The following GALNTL6 variants were observed in gnomAD, a reference collection of about 807,000 sequenced individuals.
GALNTL6 encodes polypeptide N-acetylgalactosaminyltransferase like 6.
In GALNTL6, 46 loss-of-function variants were observed where a neutral mutation model predicts 73.7. That is an observed-to-expected ratio of 0.62 (90% CI 0.49 to 0.80). GALNTL6 has a LOEUF of 0.80. Among genes scored for constraint, GALNTL6 ranks in the 30% least tolerant of loss-of-function variants. GALNTL6 has a pLI of 0.00. For missense variants in GALNTL6, 604 were observed against 755.0 expected (o/e 0.80, Z 2.34); for synonymous variants, 259 against 263.7 (o/e 0.98, Z 0.17).
At chr4:172,528,204 T>C (rs1246405464) in intron 5 of GALNTL6, among the ~76,000 whole-genome samples, 4 of 150,868 alleles carry the variant, frequency 2.7e-5, no homozygotes, top group Non-Finnish European at 4.4e-5. Context: ...ACTAAGAAAA[T>C]TGAATTTGAA....
At chr4:172,276,411 T>C (rs572208676) in intron 3 of GALNTL6, among the ~76,000 whole-genome samples, 1 of 152,290 alleles carries the variant, frequency 6.6e-6, no homozygotes, top group African/African-American at 2.4e-5. Flanking sequence ...TATCTAACTA[T>C]TGCTTTTTTA....
At chr4:172,731,949 G>A (rs6841156) in intron 5 of GALNTL6, among the ~76,000 whole-genome samples, 54,521 of 151,744 alleles carry the variant, frequency 0.36, 10,834 homozygotes, top group African/African-American at 0.52. Context: ...GGCTTGTTTT[G>A]TGGCTCAAGA....
chr4:172,284,467 G>A (rs1359394172), intron 3 of GALNTL6, among the ~76,000 whole-genome samples: 1 of 150,758 alleles, frequency 6.6e-6, no homozygotes, highest in East Asian at 2.0e-4. Flanking sequence ...AGTCTCCAAT[G>A]CTTATTACTT....
chr4:172,543,455 C>T lies in GALNTL6; in HGVS notation c.553+194766C>T, dbSNP rs144000699. Among the ~76,000 whole-genome samples, 549 of 152,354 alleles carry T rather than the reference C, an allele frequency of 3.6e-3. 4 individuals carry two copies. The highest frequency in any genetic ancestry group is 6.8e-3 in the Middle Eastern group (2 of 294). On this transcript the variant is annotated intron_variant, in intron 5 of 12. Transcript: ENST00000506823. Reference sequence around the variant, plus strand: ...CCATGCAAACTGGAAGATAGGGGCGCTGTCTTCCTTGATGACTGCATTTTA... The same window carrying T: ...CCATGCAAACTGGAAGATAGGGGCGTTGTCTTCCTTGATGACTGCATTTTA...
intron 2 of GALNTL6, among the ~76,000 whole-genome samples, chr4:171,995,609 A>C (rs1740462924): frequency 6.6e-6 from 1 of 152,106 alleles, no homozygotes; most frequent in African/African-American, 2.4e-5. Context: ...GAAAGAATAC[A>C]TTAGTATAAG....
chr4:172,482,405 C>T (rs1416613513), intron 5 of GALNTL6, among the ~76,000 whole-genome samples: 2 of 152,232 alleles, frequency 1.3e-5, no homozygotes, highest in African/African-American at 4.8e-5. Flanking sequence ...GAGAGAGGGC[C>T]ACCAGCACGT....
chr4:171,917,072 T>G (rs1160566132), intron 2 of GALNTL6, among the ~76,000 whole-genome samples: 1 of 152,096 alleles, frequency 6.6e-6, no homozygotes, highest in Non-Finnish European at 1.5e-5. Context: ...TTGTACATTT[T>G]TATGATTCAC....
chr4:172,480,741 T>TC (rs1272495641), intron 5 of GALNTL6, among the ~76,000 whole-genome samples: 1 of 152,208 alleles, frequency 6.6e-6, no homozygotes, highest in Non-Finnish European at 1.5e-5. Flanking sequence ...TGTGGTCAGA[T>TC]GTGGATTAGG....
intron 8 of GALNTL6, among the ~76,000 whole-genome samples, chr4:172,922,904 G>A (rs943351600): frequency 5.3e-5 from 8 of 152,230 alleles, no homozygotes; most frequent in African/African-American, 1.9e-4. Flanking sequence ...GTTATTGTTA[G>A]AGTAGGCAGA....
At chr4:172,738,705 C>T (rs917272668) in intron 5 of GALNTL6, among the ~76,000 whole-genome samples, 16 of 152,106 alleles carry the variant, frequency 1.1e-4, no homozygotes, top group African/African-American at 3.1e-4. Flanking sequence ...CCTGAGAACA[C>T]GTGCCCAAGG....
chr4:172,156,164 CCGAGTCT>C (rs1734253289), intron 2 of GALNTL6, among the ~76,000 whole-genome samples: 1 of 151,992 alleles, frequency 6.6e-6, no homozygotes, highest in Non-Finnish European at 1.5e-5. Context: ...CAGGAAGTGT[CCGAGTCT>C]GAAGTGACTG....
intron 5 of GALNTL6, among the ~76,000 whole-genome samples, chr4:172,782,307 C>T (rs187152746): frequency 1.3e-3 from 191 of 152,218 alleles, no homozygotes; most frequent in Middle Eastern, 3.4e-3. Flanking sequence ...AAGATTTGGC[C>T]TCTTGGAGAA....
chr4:172,458,183 A>G (rs902983009), intron 5 of GALNTL6, among the ~76,000 whole-genome samples: 1 of 152,048 alleles, frequency 6.6e-6, no homozygotes, highest in East Asian at 1.9e-4. Context: ...GAGAACAAAG[A>G]CATAACGTAC....
At chr4:172,093,843 T>C (rs1489730560) in intron 2 of GALNTL6, among the ~76,000 whole-genome samples, 1 of 152,216 alleles carries the variant, frequency 6.6e-6, no homozygotes, top group Non-Finnish European at 1.5e-5. Flanking sequence ...TCTCCCATCA[T>C]CGTGAGACTG....
At chr4:172,298,869 A>G (rs977881734) in intron 3 of GALNTL6, among the ~76,000 whole-genome samples, 4 of 152,204 alleles carry the variant, frequency 2.6e-5, no homozygotes, top group Non-Finnish European at 5.9e-5. Flanking sequence ...TATCAGGATG[A>G]TGCTGGCCTC....
At chr4:171,867,979 T>C (rs941495073) in intron 2 of GALNTL6, among the ~76,000 whole-genome samples, 1 of 140,610 alleles carries the variant, frequency 7.1e-6, no homozygotes, top group Admixed American at 8.2e-5. Context: ...AAATCTTTAA[T>C]TTTGAGGTGC....
At chr4:171,834,492 C>T (rs139951320) in intron 2 of GALNTL6, among the ~76,000 whole-genome samples, 2,074 of 151,938 alleles carry the variant, frequency 0.014, 18 homozygotes, top group Non-Finnish European at 0.022. Flanking sequence ...GGATACTGAC[C>T]CTGGTAAACA....
At chr4:172,627,570 G>C (rs1031669846) in intron 5 of GALNTL6, among the ~76,000 whole-genome samples, 3 of 151,188 alleles carry the variant, frequency 2.0e-5, no homozygotes, top group African/African-American at 7.3e-5. Context: ...AGTGGAATTC[G>C]TATCAGCTCT....
At chr4:172,172,994 G>T (rs910315792) in intron 2 of GALNTL6, among the ~76,000 whole-genome samples, 1 of 152,188 alleles carries the variant, frequency 6.6e-6, no homozygotes, top group African/African-American at 2.4e-5. Flanking sequence ...CTGGGGAAAG[G>T]CTTTAGTATA....
Sources: gnomAD v4.1 joint callset for allele counts (sites outside exome capture counted in the v4.1 genomes callset) on GRCh38, gnomAD v4.1.1 for gene constraint, MANE v1.5 for transcripts, NCBI Gene and HGNC (gene_info 2026-07-23, HGNC 2026-07-21) for gene names.